Variants in CYP27C1 observed in about 807,000 individuals in gnomAD.
CYP27C1 encodes the protein cytochrome P450 family 27 subfamily C member 1.
A neutral mutation model predicts 40.6 loss-of-function variants in CYP27C1; 29 were observed. That is an observed-to-expected ratio of 0.71 (90% CI 0.53 to 0.97). The LOEUF is 0.97. Ranked by LOEUF, CYP27C1 falls within the 50% of genes least tolerant of loss-of-function variation. The pLI, the probability that CYP27C1 is intolerant of heterozygous loss-of-function variation, is 0.00. For missense variants in CYP27C1, 390 were observed against 485.8 expected (o/e 0.80, Z 1.85); for synonymous variants, 198 against 186.8 (o/e 1.06, Z -0.49).
In CYP27C1 at chr2:127,200,833, G is replaced by C. The variant is rs1391679033; in HGVS notation, c.883+289C>G. On this transcript the variant is annotated intron_variant, in intron 4 of 8. Coordinates refer to ENST00000664447, the MANE Select transcript of CYP27C1 (RefSeq NM_001367502.1). This position sits in a 1 kb window ranked among gnomAD's most constrained non-coding sequence, Gnocchi z 4.2. ...AAATAATTAGCCAGGCATGGTGGCA[G>C]GTGCCTGTAATCGCAGCTACTCAGG... Among the ~76,000 whole-genome samples, 5 of 152,086 alleles carry C rather than the reference G, an allele frequency of 3.3e-5. No homozygotes were observed. The highest frequency in any genetic ancestry group is 5.9e-5 in the Non-Finnish European group (4 of 68,014).
chr2:127,199,114 C>A (rs1005169092), intron 5 of CYP27C1, among the ~76,000 whole-genome samples: 19 of 152,152 alleles, frequency 1.2e-4, no homozygotes, highest in Non-Finnish European at 2.2e-4. Flanking sequence ...GTGAAACCCC[C>A]GTTGCTACTA....
rs1450283108 is a variant in CYP27C1, at chr2:127,197,327, G to GTTTGTT, written c.1048-1832_1048-1827dup. 5.1e-4 allele frequency among the ~76,000 whole-genome samples: 78 copies of GTTTGTT among 152,264 alleles called. 1 individual carries two copies. The highest frequency in any genetic ancestry group is 1.8e-3 in the African/African-American group (74 of 41,536). ...AGAATAAGGAGTTTATGCTGTGTGG[G>GTTTGTT]TTTGTTTTTGTTTTGTTTTGTTTTG... On this transcript the variant is annotated intron_variant, in intron 5 of 8. Transcript: ENST00000664447.
In CYP27C1 at chr2:127,208,585, C is replaced by G. The variant is rs1683277776; in HGVS notation, c.283-2495G>C. ...GGGCAGCAGCCAGCACTGGGACTCA[C>G]AACTGCCAACAGGCTAAGCTCCCTG... is the stretch of plus-strand genomic sequence containing the variant. On this transcript the variant is annotated intron_variant, in intron 1 of 8. Transcript: ENST00000664447. The surrounding 1 kb of genome is among the most constrained non-coding windows in gnomAD (Gnocchi z 5.2). Among the ~76,000 whole-genome samples, 1 of 152,214 alleles carries G rather than the reference C, an allele frequency of 6.6e-6. No individual in the cohort carries two copies. The highest frequency in any genetic ancestry group is 2.1e-4 in the South Asian group (1 of 4,826).
chr2:127,213,071 C>G (rs1211606747), intron 1 of CYP27C1, among the ~76,000 whole-genome samples: 1 of 152,094 alleles, frequency 6.6e-6, no homozygotes, highest in Non-Finnish European at 1.5e-5. Context: ...TTCATAATCA[C>G]TACAAAGAGA....
Position 127,219,915 on chromosome 2 carries a change from C to T in CYP27C1, c.282+74G>A. 1 of 152,194 alleles carries T rather than the reference C, an allele frequency of 6.6e-6. No homozygotes were observed. 9.4% of individuals were successfully genotyped at this position (152,194 alleles called of 1,614,324 possible). The stretch of plus-strand genomic sequence containing the variant: ...TCCCCAACCCCGCGCCCCTCCCTGG[C>T]GCCCTCCCGCCCGCGCCGTCAGCCT... On this transcript the variant is annotated intron_variant, in intron 1 of 8. Transcript: ENST00000664447. The surrounding 1 kb of genome is among the most constrained non-coding windows in gnomAD (Gnocchi z 8.7).
chr2:127,215,863 G>A (rs1176124987), intron 1 of CYP27C1, among the ~76,000 whole-genome samples: 20 of 151,914 alleles, frequency 1.3e-4, no homozygotes, highest in Non-Finnish European at 2.1e-4. Context: ...GAGGAAGGAA[G>A]AAGAGAGAAA....
chr2:127,204,406 AAGAAAGAAAAGAAAGAG>A (rs1450291163), intron 2 of CYP27C1, among the ~76,000 whole-genome samples: 1 of 137,202 alleles, frequency 7.3e-6, no homozygotes, highest in Non-Finnish European at 1.6e-5. Context: ...GAGAGAGAGA[AAGAAAGAAAAGAAAGAG>A]AGAAAGGAAA....
chr2:127,187,231 G>C lies in CYP27C1; in HGVS notation c.*40C>G, dbSNP rs369379268. ...ACACAAATACCCACTGTGTGTCGGC[G>C]AGCTGGTCTGCTACATCAGCCCAGG... On this transcript the variant is annotated 3_prime_UTR_variant, in exon 9 of 9. Coordinates refer to ENST00000664447, the MANE Select transcript of CYP27C1 (RefSeq NM_001367502.1). 6.6e-7 allele frequency: 1 copy of C among 1,511,584 alleles called. No homozygotes were observed. Among genetic ancestry groups the C allele is most frequent in the South Asian group, 1.1e-5 (1 of 88,920 alleles). The allele number at this position is 1,511,584 out of a possible 1,614,324, so 93.6% of individuals were successfully genotyped here. A position where few individuals can be genotyped will look rare whatever the true frequency, so the allele number is the denominator to read the frequency against.
At chr2:127,187,903 G>T (rs923950581) in intron 8 of CYP27C1, among the ~76,000 whole-genome samples, 1 of 152,160 alleles carries the variant, frequency 6.6e-6, no homozygotes, top group Non-Finnish European at 1.5e-5. Context: ...TCGTAACTTT[G>T]ATTCCATTTC....
intron 1 of CYP27C1, among the ~76,000 whole-genome samples, chr2:127,213,307 G>GAA (rs58980874): frequency 4.0e-4 from 57 of 143,060 alleles, no homozygotes; most frequent in Middle Eastern, 3.6e-3. Context: ...CACAGAATTA[G>GAA]AAAAAAAAAA....
rs372686054 is a variant in CYP27C1 at position 127,204,535 on chromosome 2, A to AAGAGAG, written c.474-970_474-965dup. Reference sequence around the variant, plus strand: ...AAAGAAGGAAAGAAAGAAAGAAAGAAAGAGAGAGAGAGAGAGAGAGAGAAA... The same window carrying AAGAGAG: ...AAAGAAGGAAAGAAAGAAAGAAAGAAAGAGAGAGAGAGAGAGAGAGAGAGAGAGAAA... On this transcript the variant is annotated intron_variant, in intron 2 of 8. Coordinates refer to ENST00000664447, the MANE Select transcript of CYP27C1 (RefSeq NM_001367502.1). Among the ~76,000 whole-genome samples the AAGAGAG allele has an allele frequency of 9.4e-3, 441 of 46,890 alleles. 43 individuals are homozygous for AAGAGAG. Among genetic ancestry groups the AAGAGAG allele is most frequent in the Non-Finnish European group, 0.015 (333 of 22,696 alleles). 30.8% of individuals were successfully genotyped at this position (46,890 alleles called of 152,430 possible). A position where few individuals can be genotyped will look rare whatever the true frequency, so the allele number is the denominator to read the frequency against.
At chr2:127,198,243 A>C (rs1682951832) in intron 5 of CYP27C1, among the ~76,000 whole-genome samples, 3 of 151,760 alleles carry the variant, frequency 2.0e-5, no homozygotes, top group Non-Finnish European at 2.9e-5. Flanking sequence ...GCTTTAGTTT[A>C]CTTTCTTTAC....
chr2:127,187,213 TACCCAC>T lies in CYP27C1; in HGVS notation c.*52_*57del. 7.3e-7 allele frequency: 1 copy of T among 1,378,084 alleles called. No individual in the cohort carries two copies. Among genetic ancestry groups the T allele is most frequent in the Non-Finnish European group, 1.0e-6 (1 of 967,380 alleles). The allele number at this position is 1,378,084 out of a possible 1,614,324, so 85.4% of individuals were successfully genotyped here. A position where few individuals can be genotyped will look rare whatever the true frequency, so the allele number is the denominator to read the frequency against. On this transcript the variant is annotated 3_prime_UTR_variant, in exon 9 of 9. Coordinates refer to ENST00000664447, the MANE Select transcript of CYP27C1 (RefSeq NM_001367502.1). ...CTCCACGGTGATCAGCGAACACAAA[TACCCAC>T]TGTGTGTCGGCGAGCTGGTCTGCTA...
rs1683042954 is a variant in CYP27C1, at chr2:127,201,889, A to T, written c.674-558T>A. On this transcript the variant is annotated intron_variant, in intron 3 of 8. Transcript: ENST00000664447. The surrounding 1 kb of genome is among the most constrained non-coding windows in gnomAD (Gnocchi z 6.0). ...AGGCCTGGAGAGCTAAAGGCGCAGC[A>T]GAAGTGGCCTGGATGAATCCGTGTC... Among the ~76,000 whole-genome samples, 3 of 152,214 alleles carry T rather than the reference A, an allele frequency of 2.0e-5. No individual in the cohort carries two copies. The highest frequency in any genetic ancestry group is 2.0e-4 in the Admixed American group (3 of 15,276).
intron 2 of CYP27C1, among the ~76,000 whole-genome samples, chr2:127,204,625 G>GGAAGAAAGA (rs1683183676): frequency 2.1e-5 from 2 of 94,292 alleles, no homozygotes; most frequent in Admixed American, 2.3e-4. Context: ...AAGAAAGAAA[G>GGAAGAAAGA]AAGACTGCAG....
In CYP27C1 at chr2:127,211,361, G is replaced by GTTTTTTTTTTT. The variant is rs1156982574; in HGVS notation, c.283-5272_283-5271insAAAAAAAAAAA. Reference sequence around the variant, plus strand: ...ATCTCTGGGATACAGCTAAAGCAGTGTTTTTTTGTTTTTTTTTTTTTTTTT... The same window carrying GTTTTTTTTTTT: ...ATCTCTGGGATACAGCTAAAGCAGTGTTTTTTTTTTTTTTTTTTGTTTTTTTTTTTTTTTTT... On this transcript the variant is annotated intron_variant, in intron 1 of 8. Transcript: ENST00000664447. 1.7e-4 allele frequency among the ~76,000 whole-genome samples: 18 copies of GTTTTTTTTTTT among 103,638 alleles called. 3 individuals are homozygous for GTTTTTTTTTTT. Among genetic ancestry groups the GTTTTTTTTTTT allele is most frequent in the African/African-American group, 6.7e-4 (17 of 25,210 alleles). 68.0% of individuals were successfully genotyped at this position (103,638 alleles called of 152,430 possible). A position where few individuals can be genotyped will look rare whatever the true frequency, so the allele number is the denominator to read the frequency against.
At chr2:127,199,908 G>T (rs576476658) in intron 4 of CYP27C1, among the ~76,000 whole-genome samples, 109 of 152,266 alleles carry the variant, frequency 7.2e-4, no homozygotes, top group African/African-American at 2.6e-3. Context: ...AGGGGAAAAG[G>T]CCACACATTA....
At position 127,204,485 on chromosome 2, in the gene CYP27C1, AAAGGAAGGAAGG is replaced by A. The variant is rs369842924; in HGVS notation, c.474-926_474-915del. 3.7e-3 allele frequency among the ~76,000 whole-genome samples: 224 copies of A among 60,212 alleles called. 23 individuals carry two copies. Among genetic ancestry groups the A allele is most frequent in the Admixed American group, 9.7e-3 (42 of 4,332 alleles). The allele number at this position is 60,212 out of a possible 152,430, so 39.5% of individuals were successfully genotyped here. ...GAAAGAAAGAAAGAAAGAAAGAAAGAAAGGAAGGAAGGAAGGAAGGAAAGAAAGAAGGAAAGA... is the reference window on the plus strand; with the variant it reads ...GAAAGAAAGAAAGAAAGAAAGAAAGAAAGGAAGGAAAGAAAGAAGGAAAGA... On this transcript the variant is annotated intron_variant, in intron 2 of 8. Transcript: ENST00000664447.
Position 127,208,721 on chromosome 2 carries a change from C to T in CYP27C1, c.283-2631G>A, listed in dbSNP as rs1317704932. On this transcript the variant is annotated intron_variant, in intron 1 of 8. Transcript: ENST00000664447. This position sits in a 1 kb window ranked among gnomAD's most constrained non-coding sequence, Gnocchi z 5.2. ...CAAGAGTTATCCCCACAGCTCAACACACCAGCTGTGGCAGTTGGCAGCCAG... is the reference window on the plus strand; with the variant it reads ...CAAGAGTTATCCCCACAGCTCAACATACCAGCTGTGGCAGTTGGCAGCCAG... 6.6e-6 allele frequency among the ~76,000 whole-genome samples: 1 copy of T among 152,224 alleles called. No individual in the cohort carries two copies. The highest frequency in any genetic ancestry group is 1.5e-5 in the Non-Finnish European group (1 of 68,040).
Sources: gnomAD v4.1 joint callset for allele counts (sites outside exome capture counted in the v4.1 genomes callset) on GRCh38, gnomAD v4.1.1 for gene constraint, Gnocchi (gnomAD v3.1) non-coding constraint, MANE v1.5 for transcripts, NCBI Gene and HGNC (gene_info 2026-07-23, HGNC 2026-07-21) for gene names.